The following GRIN2B variants were observed in gnomAD, a reference collection of about 807,000 sequenced individuals.
The protein encoded by GRIN2B is glutamate ionotropic receptor NMDA type subunit 2B.
In GRIN2B, 5 loss-of-function variants were observed where a neutral mutation model predicts 114.5. The observed-to-expected ratio is 0.04, with a 90% CI of 0.02 to 0.09. The LOEUF (loss-of-function observed/expected upper bound fraction) is 0.09. Ranked by LOEUF, GRIN2B falls within the 10% of genes least tolerant of loss-of-function variation. GRIN2B has a pLI of 1.00. For synonymous variants in GRIN2B, 787 were observed against 745.1 expected (o/e 1.06, Z -0.92); for missense variants, 1,108 against 1,943.5 (o/e 0.57, Z 8.08).
chr12:13,649,556 C>T (rs550812229), intron 5 of GRIN2B, among the ~76,000 whole-genome samples: 7 of 152,130 alleles, frequency 4.6e-5, no homozygotes, highest in South Asian at 2.1e-4. Context: ...TTTAACTCTT[C>T]GAGATGATAA....
intron 3 of GRIN2B, among the ~76,000 whole-genome samples, chr12:13,755,491 C>G (rs1437725664): frequency 1.3e-5 from 2 of 152,138 alleles, no homozygotes; most frequent in African/African-American, 2.4e-5. Context: ...CACCAGCACT[C>G]TCTTCTCTGG....
At chr12:13,607,667 A>G (rs1273038933) in intron 10 of GRIN2B, among the ~76,000 whole-genome samples, 1 of 145,500 alleles carries the variant, frequency 6.9e-6, no homozygotes, top group African/African-American at 2.6e-5. Context: ...ACCCATGTGC[A>G]AAGTACTATT....
intron 4 of GRIN2B, among the ~76,000 whole-genome samples, chr12:13,711,502 A>T (rs975296551): frequency 6.6e-6 from 1 of 152,178 alleles, no homozygotes; most frequent in Non-Finnish European, 1.5e-5. Flanking sequence ...TAATATCCAG[A>T]ATCTACAATG....
chr12:13,683,959 T>C (rs955694992), intron 4 of GRIN2B: 2 of 152,204 alleles, frequency 1.3e-5, no homozygotes, highest in African/African-American at 4.8e-5. Context: ...CTTGGGACAA[T>C]GATGTCATGC....
In GRIN2B at chr12:13,822,987, A is replaced by G. The variant is rs181763967; in HGVS notation, c.411+42811T>C. ...ACTCTGGCATTTTTATTGAAAACCA[A>G]TTGAATGCATAAGTATAGGTCCATT... On this transcript the variant is annotated intron_variant, in intron 3 of 13. Coordinates refer to ENST00000609686, the MANE Select transcript of GRIN2B (RefSeq NM_000834.5). Among the ~76,000 whole-genome samples the G allele has an allele frequency of 5.3e-5, 8 of 152,198 alleles. No individual in the cohort carries two copies. In the East Asian group the frequency reaches 7.7e-4, roughly 15 times the overall value.
intron 5 of GRIN2B, among the ~76,000 whole-genome samples, chr12:13,617,611 A>G (rs954831776): frequency 6.6e-6 from 1 of 152,244 alleles, no homozygotes; most frequent in Non-Finnish European, 1.5e-5. Flanking sequence ...AAGAGGGAAC[A>G]CTTGCTTATT....
intron 10 of GRIN2B, among the ~76,000 whole-genome samples, chr12:13,588,112 C>A (rs1948956043): frequency 6.6e-6 from 1 of 152,166 alleles, no homozygotes. Flanking sequence ...GACCAGGCCA[C>A]TGAATCCTTT....
rs771184732 is a variant in GRIN2B, at chr12:13,544,774, A to G, written c.*18009T>C. On this transcript the variant is annotated 3_prime_UTR_variant, in exon 14 of 14. Transcript: ENST00000609686. Reference sequence around the variant, plus strand: ...CATTTCTGGAATCCAACTGCTTCTTATCACCTCCCCTGCTAACATCATGGC... The same window carrying G: ...CATTTCTGGAATCCAACTGCTTCTTGTCACCTCCCCTGCTAACATCATGGC... 7.9e-5 allele frequency: 12 copies of G among 152,172 alleles called. No homozygotes were observed. The highest frequency in any genetic ancestry group is 1.6e-4 in the Non-Finnish European group (11 of 68,040). 9.4% of individuals were successfully genotyped at this position (152,172 alleles called of 1,614,324 possible). A position where few individuals can be genotyped will look rare whatever the true frequency, so the allele number is the denominator to read the frequency against.
intron 2 of GRIN2B, among the ~76,000 whole-genome samples, chr12:13,870,694 T>A (rs1865890811): frequency 6.6e-6 from 1 of 152,180 alleles, no homozygotes; most frequent in African/African-American, 2.4e-5. Flanking sequence ...TTTGGAGTGA[T>A]TCAATTAAGG....
At chr12:13,969,485 A>C (rs1867842009) in intron 2 of GRIN2B, among the ~76,000 whole-genome samples, 1 of 152,238 alleles carries the variant, frequency 6.6e-6, no homozygotes, top group Non-Finnish European at 1.5e-5. Context: ...GTGAGGATTG[A>C]GTAATGTGCA....
At chr12:13,650,780 T>C (rs1473568909) in intron 5 of GRIN2B, among the ~76,000 whole-genome samples, 3 of 152,112 alleles carry the variant, frequency 2.0e-5, no homozygotes, top group Non-Finnish European at 2.9e-5. Context: ...TATAATTATA[T>C]TGTATAATTT....
At chr12:13,752,368 T>C (rs1283483064) in intron 4 of GRIN2B, among the ~76,000 whole-genome samples, 1 of 152,240 alleles carries the variant, frequency 6.6e-6, no homozygotes, top group Non-Finnish European at 1.5e-5. Context: ...TGTAACATTG[T>C]GTATTTATGT....
At chr12:13,942,759 TAG>T (rs774912321) in intron 2 of GRIN2B, among the ~76,000 whole-genome samples, 15 of 152,178 alleles carry the variant, frequency 9.9e-5, no homozygotes, top group Non-Finnish European at 2.1e-4. Flanking sequence ...TATCTTTCAG[TAG>T]AGACAATAAT....
At chr12:13,792,192 G>C (rs996470603) in intron 3 of GRIN2B, among the ~76,000 whole-genome samples, 10 of 152,256 alleles carry the variant, frequency 6.6e-5, no homozygotes, top group Non-Finnish European at 1.0e-4. Context: ...TTAAGCCAGT[G>C]CCAGCATTTT....
At chr12:13,637,045 T>G (rs1182282839) in intron 5 of GRIN2B, among the ~76,000 whole-genome samples, 1 of 152,146 alleles carries the variant, frequency 6.6e-6, no homozygotes, top group Non-Finnish European at 1.5e-5. Context: ...ATTCCTATCA[T>G]ATATCTCAGT....
intron 2 of GRIN2B, among the ~76,000 whole-genome samples, chr12:13,867,130 A>G (rs1441271952): frequency 6.6e-6 from 1 of 152,224 alleles, no homozygotes; most frequent in Non-Finnish European, 1.5e-5. Flanking sequence ...AACAAATACC[A>G]TTAGCAGCTG....
Position 13,890,443 on chromosome 12 carries a change from G to A in GRIN2B, c.-18-24217C>T, listed in dbSNP as rs114877146. Among the ~76,000 whole-genome samples, 719 of 152,230 alleles carry A rather than the reference G, an allele frequency of 4.7e-3. 3 individuals are homozygous for A. Among genetic ancestry groups the A allele is most frequent in the African/African-American group, 9.1e-3 (377 of 41,542 alleles). On this transcript the variant is annotated intron_variant, in intron 2 of 13. Transcript: ENST00000609686. ...CTAAACAGCATCTCAAAATCTGATC[G>A]TTTGCGGAGGACTGGAGGACAGGTA...
At chr12:13,727,554 T>C (rs1863013317) in intron 4 of GRIN2B, among the ~76,000 whole-genome samples, 1 of 152,346 alleles carries the variant, frequency 6.6e-6, no homozygotes, top group East Asian at 1.9e-4. Flanking sequence ...GGAAATCTAG[T>C]TGTTACAGCT....
intron 5 of GRIN2B, among the ~76,000 whole-genome samples, chr12:13,635,340 T>A (rs1029445611): frequency 6.6e-6 from 1 of 152,170 alleles, no homozygotes; most frequent in Admixed American, 6.5e-5. Context: ...GGGAAATCAA[T>A]AGATGCCTTT....
Sources: gnomAD v4.1 joint callset for allele counts (sites outside exome capture counted in the v4.1 genomes callset) on GRCh38, gnomAD v4.1.1 for gene constraint, MANE v1.5 for transcripts, NCBI Gene and HGNC (gene_info 2026-07-23, HGNC 2026-07-21) for gene names.